Variants in DCTN5 observed in about 807,000 individuals in gnomAD.
DCTN5 encodes the protein dynactin subunit 5.
A neutral mutation model predicts 23.5 loss-of-function variants in DCTN5; 14 were observed. The ratio of observed to expected loss-of-function variants is 0.60; its 90% CI spans 0.39 to 0.93. The LOEUF (loss-of-function observed/expected upper bound fraction) is 0.93, where lower values mean the gene tolerates loss of function less well. DCTN5 is among the 40% of genes least tolerant of loss of function. The pLI is 0.00. For missense variants in DCTN5, 156 were observed against 225.9 expected, an observed-to-expected ratio of 0.69 and a Z score of 1.98; for synonymous variants, 67 against 79.6, an observed-to-expected ratio of 0.84 and a Z score of 0.84.
intron 2 of DCTN5, chr16:23,650,748 T>C: frequency 5.2e-6 from 8 of 1,534,580 alleles, no homozygotes; most frequent in Non-Finnish European, 7.0e-6. Flanking sequence ...CTATCCCTTC[T>C]CTTTCAGAAC....
intron 2 of DCTN5, chr16:23,650,965 G>T: frequency 7.0e-7 from 1 of 1,421,716 alleles, no homozygotes. Flanking sequence ...GCTTTCCAGA[G>T]CGTCTGATTC....
In DCTN5 at chr16:23,669,334, C is replaced by G. The variant is rs1967964012; in HGVS notation, c.*2190C>G. 1 of 152,248 alleles carries G rather than the reference C, an allele frequency of 6.6e-6. No homozygotes were observed. The allele number at this position is 152,248 out of a possible 1,614,324, so 9.4% of individuals were successfully genotyped here. A position where few individuals can be genotyped will look rare whatever the true frequency, so the allele number is the denominator to read the frequency against. On this transcript the variant is annotated 3_prime_UTR_variant, in exon 6 of 6. Coordinates refer to ENST00000300087, the MANE Select transcript of DCTN5 (RefSeq NM_032486.4). ...CCCAGGACTCCAAACAGGGATCTGT[C>G]TCTTTGGCTCTCAGCTCTGCTTTCA...
In DCTN5 at chr16:23,670,773, A is replaced by G. The variant is rs1011198426; in HGVS notation, c.*3629A>G. 6.6e-6 allele frequency: 1 copy of G among 151,224 alleles called. No homozygotes were observed. The highest frequency in any genetic ancestry group is 1.5e-5 in the Non-Finnish European group (1 of 68,036). 9.4% of individuals were successfully genotyped at this position (151,224 alleles called of 1,614,324 possible). ...GTTCCCATAAGTACATGATAACTGA[A>G]ACACTTCTAGAGCCCCCCAGCAATG... On this transcript the variant is annotated 3_prime_UTR_variant, in exon 6 of 6. Coordinates refer to ENST00000300087, the MANE Select transcript of DCTN5 (RefSeq NM_032486.4).
intron 2 of DCTN5, among the ~76,000 whole-genome samples, chr16:23,646,286 T>G (rs1013708176): frequency 2.6e-5 from 4 of 152,188 alleles, no homozygotes; most frequent in African/African-American, 9.7e-5. Flanking sequence ...TGTGTTGTCT[T>G]TTTCTTATTG....
Position 23,671,727 on chromosome 16 carries a change from C to G in DCTN5, c.*4583C>G, listed in dbSNP as rs2140992367. On this transcript the variant is annotated 3_prime_UTR_variant, in exon 6 of 6. Coordinates refer to ENST00000300087, the MANE Select transcript of DCTN5 (RefSeq NM_032486.4). Reference sequence around the variant, plus strand: ...ACACTACCCTTGCAGCCCAGTCAGCCAATCCCTTGCTCTCCTGAAGCTTTT... The same window carrying G: ...ACACTACCCTTGCAGCCCAGTCAGCGAATCCCTTGCTCTCCTGAAGCTTTT... The G allele has an allele frequency of 6.6e-6, 1 of 152,414 alleles. No individual in the cohort carries two copies. Among genetic ancestry groups the G allele is most frequent in the Non-Finnish European group, 1.5e-5 (1 of 68,080 alleles). The allele number at this position is 152,414 out of a possible 1,614,324, so 9.4% of individuals were successfully genotyped here.
intron 5 of DCTN5, 161 bp downstream of exon 5, chr16:23,665,889 TA>T: frequency 1.6e-6 from 1 of 621,772 alleles, no homozygotes; most frequent in Non-Finnish European, 2.8e-6. Flanking sequence ...ACCTAACATA[TA>T]ACAAGCATCT....
In DCTN5 at chr16:23,677,397, TATA is replaced by T. The variant is rs1489753940; in HGVS notation, c.*10257_*10259del. 6.6e-6 allele frequency: 1 copy of T among 152,242 alleles called. No individual in the cohort carries two copies. Among genetic ancestry groups the T allele is most frequent in the African/African-American group, 2.4e-5 (1 of 41,470 alleles). 9.4% of individuals were successfully genotyped at this position (152,242 alleles called of 1,614,324 possible). On this transcript the variant is annotated 3_prime_UTR_variant, in exon 6 of 6. Coordinates refer to ENST00000300087, the MANE Select transcript of DCTN5 (RefSeq NM_032486.4). ...AAATTCACTGAGCTCTATGAACAAT[TATA>T]ATATGTACATTTTTTTCTGTAAGTG...
intron 2 of DCTN5, among the ~76,000 whole-genome samples, chr16:23,647,333 C>T (rs1967488210): frequency 1.3e-5 from 2 of 152,078 alleles, no homozygotes; most frequent in South Asian, 4.1e-4. Context: ...TGGTCTCGAA[C>T]TCCTGACCTC....
rs1453545604 is a variant in DCTN5 at position 23,653,721 on chromosome 16, C to T, written c.118-4786C>T. Among the ~76,000 whole-genome samples the T allele has an allele frequency of 4.6e-4, 70 of 152,200 alleles. 1 individual carries two copies. The highest frequency in any genetic ancestry group is 4.2e-3 in the Admixed American group (64 of 15,280). On this transcript the variant is annotated intron_variant, in intron 2 of 5. Transcript: ENST00000300087. ...CAAATGAGATCTGATTAAACTAAAG[C>T]GCTTCTGCACAGCAAAAGAAACTAT...
Position 23,671,196 on chromosome 16 carries a change from C to T in DCTN5, c.*4052C>T, listed in dbSNP as rs1968000237. ...TTACTTCGTGGAACCTCAGGTTTCTCATCCATAAAATGGGGAAGTTGGATA... is the reference window on the plus strand; with the variant it reads ...TTACTTCGTGGAACCTCAGGTTTCTTATCCATAAAATGGGGAAGTTGGATA... On this transcript the variant is annotated 3_prime_UTR_variant, in exon 6 of 6. Coordinates refer to ENST00000300087, the MANE Select transcript of DCTN5 (RefSeq NM_032486.4). The T allele has an allele frequency of 6.6e-6, 1 of 152,116 alleles. No homozygotes were observed. The highest frequency in any genetic ancestry group is 2.4e-5 in the African/African-American group (1 of 41,406). 9.4% of individuals were successfully genotyped at this position (152,116 alleles called of 1,614,324 possible).
chr16:23,641,961 A>G (rs1967282565), intron 1 of DCTN5, among the ~76,000 whole-genome samples: 1 of 151,778 alleles, frequency 6.6e-6, no homozygotes, highest in African/African-American at 2.4e-5. Context: ...TGGGGGGCGG[A>G]GACTCTGTCG....
chr16:23,673,888 A>G lies in DCTN5; in HGVS notation c.*6744A>G, dbSNP rs1968051471. On this transcript the variant is annotated 3_prime_UTR_variant, in exon 6 of 6. Transcript: ENST00000300087. ...GTTAAATTGCTAATGAACCCTTGTC[A>G]AAATCAAATGTCTCCCCTTAGAGGC... The G allele has an allele frequency of 6.6e-6, 1 of 152,240 alleles. No homozygotes were observed. The highest frequency in any genetic ancestry group is 1.5e-5 in the Non-Finnish European group (1 of 68,038). The allele number at this position is 152,240 out of a possible 1,614,324, so 9.4% of individuals were successfully genotyped here.
At chr16:23,645,103 A>T (rs529474916) in intron 2 of DCTN5, among the ~76,000 whole-genome samples, 1 of 23,582 alleles carries the variant, frequency 4.2e-5, no homozygotes, top group Non-Finnish European at 8.1e-5. Flanking sequence ...ATATATATAT[A>T]TATATATATA....
intron 2 of DCTN5, among the ~76,000 whole-genome samples, chr16:23,654,088 A>G (rs1967653157): frequency 6.6e-6 from 1 of 152,202 alleles, no homozygotes; most frequent in Non-Finnish European, 1.5e-5. Flanking sequence ...TGTTAGTGGG[A>G]GTGTAACCAT....
chr16:23,655,132 A>T (rs944700239), intron 2 of DCTN5, among the ~76,000 whole-genome samples: 1 of 152,184 alleles, frequency 6.6e-6, no homozygotes, highest in Non-Finnish European at 1.5e-5. Flanking sequence ...AGATGTATCC[A>T]TCTTGTTGCA....
rs750290698 is a variant in DCTN5 at position 23,658,521 on chromosome 16, T to C, written c.132T>C (p.Asn44=). The change falls in exon 3 of 6, where the codon AAT becomes AAC. Residue 44 remains asparagine, a synonymous_variant. Coordinates refer to ENST00000300087, the MANE Select transcript of DCTN5 (RefSeq NM_032486.4). Reference sequence around the variant, plus strand: ...TCGTCTTACAGACCATTGTGATGAATGACTGTATTATCCGAGGGGATCTGG... The same window carrying C: ...TCGTCTTACAGACCATTGTGATGAACGACTGTATTATCCGAGGGGATCTGG... ...IVLNGKTIVM[N]DCIIRGDLAN... The C allele has an allele frequency of 6.2e-7, 1 of 1,613,942 alleles. No individual in the cohort carries two copies. Among genetic ancestry groups the C allele is most frequent in the Admixed American group, 1.7e-5 (1 of 60,022 alleles).
rs1255749067 is a variant in DCTN5, at chr16:23,672,989, A to C, written c.*5845A>C. 6.6e-6 allele frequency: 1 copy of C among 152,182 alleles called. No individual in the cohort carries two copies. 9.4% of individuals were successfully genotyped at this position (152,182 alleles called of 1,614,324 possible). A position where few individuals can be genotyped will look rare whatever the true frequency, so the allele number is the denominator to read the frequency against. On this transcript the variant is annotated 3_prime_UTR_variant, in exon 6 of 6. Transcript: ENST00000300087. ...AAAAATACAAAAAAATTAGCCAGGC[A>C]TGGTGGCGGGTGCCTGTATTCCCAG... is the stretch of plus-strand genomic sequence containing the variant.
intron 2 of DCTN5, among the ~76,000 whole-genome samples, chr16:23,653,606 A>T (rs1274946051): frequency 6.6e-6 from 1 of 152,240 alleles, no homozygotes; most frequent in Non-Finnish European, 1.5e-5. Context: ...ATCCTGGAAG[A>T]CAACCTAACC....
At chr16:23,645,112 TATATATA>T (rs1967412222) in intron 2 of DCTN5, among the ~76,000 whole-genome samples, 2 of 39,836 alleles carry the variant, frequency 5.0e-5, no homozygotes, top group African/African-American at 2.1e-4. Flanking sequence ...TATATATATA[TATATATA>T]TATATATATA....
Sources: gnomAD v4.1 joint callset for allele counts (sites outside exome capture counted in the v4.1 genomes callset) on GRCh38, gnomAD v4.1.1 for gene constraint, MANE v1.5 for transcripts, NCBI Gene and HGNC (gene_info 2026-07-23, HGNC 2026-07-21) for gene names.